FAM135B: variants seen among roughly 807,000 people sequenced by gnomAD.
The protein encoded by FAM135B is protein FAM135B.
FAM135B carries 43 observed loss-of-function variants against 127.7 expected under a neutral mutation model. The ratio of observed to expected loss-of-function variants is 0.34; its 90% CI spans 0.26 to 0.43. The LOEUF is 0.43. FAM135B is among the 20% of genes least tolerant of loss of function. The pLI is 1.00. For synonymous variants in FAM135B, 670 were observed against 665.1 expected (o/e 1.01, Z -0.11); for missense variants, 1,558 against 1,725.6 (o/e 0.90, Z 1.72).
At chr8:138,384,609 A>G (rs192339899) in intron 1 of FAM135B, among the ~76,000 whole-genome samples, 1 of 151,882 alleles carries the variant, frequency 6.6e-6, no homozygotes, top group African/African-American at 2.4e-5. Flanking sequence ...AAGTAACTAC[A>G]GAGAGAGAGA....
rs1233600487 is a variant in FAM135B, at chr8:138,241,230, C to T, written c.669+1712G>A. ...TACAGGGCTCACTGCTTTCCACTCGCTTTCTTACTCATTCACTTCCTATGT... is the reference window on the plus strand; with the variant it reads ...TACAGGGCTCACTGCTTTCCACTCGTTTTCTTACTCATTCACTTCCTATGT... On this transcript the variant is annotated intron_variant, in intron 7 of 19. Coordinates refer to ENST00000395297, the MANE Select transcript of FAM135B (RefSeq NM_015912.4). The surrounding 1 kb of genome is among the most constrained non-coding windows in gnomAD (Gnocchi z 4.8). 1.3e-5 allele frequency among the ~76,000 whole-genome samples: 2 copies of T among 152,200 alleles called. No individual in the cohort carries two copies. Among genetic ancestry groups the T allele is most frequent in the Non-Finnish European group, 2.9e-5 (2 of 68,038 alleles).
intron 7 of FAM135B, among the ~76,000 whole-genome samples, chr8:138,236,235 A>G (rs1820264118): frequency 6.6e-6 from 1 of 152,208 alleles, no homozygotes; most frequent in Non-Finnish European, 1.5e-5. Context: ...TGGAGCTTAG[A>G]GTCTAGAGTC....
intron 2 of FAM135B, among the ~76,000 whole-genome samples, chr8:138,365,645 T>C (rs976556250): frequency 4.6e-5 from 7 of 152,220 alleles, no homozygotes; most frequent in African/African-American, 1.7e-4. Context: ...TCCTGGTATT[T>C]AGTATGCTTC....
intron 9 of FAM135B, among the ~76,000 whole-genome samples, chr8:138,185,124 G>C (rs1311242438): frequency 6.6e-6 from 1 of 152,152 alleles, no homozygotes; most frequent in Non-Finnish European, 1.5e-5. Flanking sequence ...AGAGGTAACA[G>C]TGACCACAGT....
rs1174319434 is a variant in FAM135B, at chr8:138,151,657, T to C, written c.2818A>G (p.Thr940Ala). The change falls in exon 13 of 20, where the codon ACG becomes GCG. Residue 940 changes from threonine (T) to alanine (A), a missense_variant. By Grantham distance (58) the Thr-to-Ala change is moderately conservative. Transcript: ENST00000395297. ...CTGTTGATGGCATCAGCAGCTGACG[T>C]ACAGCTCAATTCAGGCACCTGATGT... Reference protein sequence around the residue: ...SQHQVPELSCTSAADAINRNS... With the variant: ...SQHQVPELSCASAADAINRNS... 1.2e-6 allele frequency: 2 copies of C among 1,614,072 alleles called. No homozygotes were observed. Among genetic ancestry groups the C allele is most frequent in the East Asian group, 2.2e-5 (1 of 44,882 alleles).
At chr8:138,425,985 A>G (rs1423720650) in intron 1 of FAM135B, among the ~76,000 whole-genome samples, 1 of 14,772 alleles carries the variant, frequency 6.8e-5, no homozygotes, top group African/African-American at 6.8e-4. Context: ...ATATATATAT[A>G]TATATATATA....
intron 12 of FAM135B, among the ~76,000 whole-genome samples, chr8:138,158,475 A>C (rs1279340581): frequency 1.3e-5 from 2 of 152,256 alleles, no homozygotes; most frequent in South Asian, 2.1e-4. Flanking sequence ...TCTGCACAGC[A>C]AAAGAAACTA....
At chr8:138,418,998 T>C (rs1027752434) in intron 1 of FAM135B, among the ~76,000 whole-genome samples, 2 of 151,490 alleles carry the variant, frequency 1.3e-5, no homozygotes, top group African/African-American at 4.9e-5. Context: ...AATCCTTACA[T>C]ATGAATATTA....
intron 11 of FAM135B, among the ~76,000 whole-genome samples, chr8:138,169,895 C>T (rs1820277141): frequency 6.6e-6 from 1 of 152,164 alleles, no homozygotes; most frequent in African/African-American, 2.4e-5. Flanking sequence ...TTCTTGAGCA[C>T]AGGGCTTTCG....
At chr8:138,491,616 T>C (rs1359916857) in intron 1 of FAM135B, among the ~76,000 whole-genome samples, 1 of 152,218 alleles carries the variant, frequency 6.6e-6, no homozygotes, top group Non-Finnish European at 1.5e-5. Context: ...CATTCATTCA[T>C]TCATTCATTC....
At chr8:138,186,540 G>A (rs1454842077) in intron 9 of FAM135B, among the ~76,000 whole-genome samples, 2 of 152,118 alleles carry the variant, frequency 1.3e-5, no homozygotes, top group East Asian at 1.9e-4. Context: ...TGGGAAGCGG[G>A]TGTTGTTTCT....
In FAM135B at chr8:138,403,150, G is replaced by A. The variant is rs547409317; in HGVS notation, c.-19-35148C>T. Among the ~76,000 whole-genome samples, 3 of 152,256 alleles carry A rather than the reference G, an allele frequency of 2.0e-5. No individual in the cohort carries two copies. In the East Asian group the frequency reaches 5.8e-4, roughly 29 times the overall value. On this transcript the variant is annotated intron_variant, in intron 1 of 19. Transcript: ENST00000395297. ...TTGTTATAGCATCCTGAACTAAAAT[G>A]AGAAAATATTTATCTCACTTACTCC... is the stretch of plus-strand genomic sequence containing the variant.
At chr8:138,266,130 A>C (rs950380008) in intron 3 of FAM135B, among the ~76,000 whole-genome samples, 1 of 152,072 alleles carries the variant, frequency 6.6e-6, no homozygotes, top group African/African-American at 2.4e-5. Flanking sequence ...TGCCTGCTCA[A>C]CTTCTCACCT....
At chr8:138,426,028 TACACAC>T (rs527267067) in intron 1 of FAM135B, among the ~76,000 whole-genome samples, 8 of 42,968 alleles carry the variant, frequency 1.9e-4, no homozygotes, top group Admixed American at 5.9e-4. Flanking sequence ...CACATACATA[TACACAC>T]ACACACACAC....
chr8:138,399,156 C>T (rs978667542), intron 1 of FAM135B, among the ~76,000 whole-genome samples: 4 of 152,168 alleles, frequency 2.6e-5, no homozygotes, highest in African/African-American at 9.7e-5. Flanking sequence ...CTGGGACAGT[C>T]TCAGTTAATA....
At chr8:138,236,606 T>C (rs547543061) in intron 7 of FAM135B, among the ~76,000 whole-genome samples, 2 of 152,200 alleles carry the variant, frequency 1.3e-5, no homozygotes, top group Non-Finnish European at 2.9e-5. Flanking sequence ...AGCAGTGACA[T>C]ACTTAAACTC....
chr8:138,138,520 A>G (rs1474761036), intron 18 of FAM135B, among the ~76,000 whole-genome samples: 4 of 152,100 alleles, frequency 2.6e-5, no homozygotes, highest in Non-Finnish European at 4.4e-5. Flanking sequence ...GGTCTTCAAC[A>G]CCTCTATGCA....
chr8:138,255,466 A>G (rs1822007600), intron 5 of FAM135B, among the ~76,000 whole-genome samples: 1 of 152,182 alleles, frequency 6.6e-6, no homozygotes, highest in South Asian at 2.1e-4. Context: ...GTGGGAATGC[A>G]GTTCCTGGTG....
At chr8:138,427,784 C>T (rs1015799913) in intron 1 of FAM135B, among the ~76,000 whole-genome samples, 3 of 152,012 alleles carry the variant, frequency 2.0e-5, no homozygotes. Context: ...AACATCATTC[C>T]CTGATCATTT....
Sources: gnomAD v4.1 joint callset for allele counts (sites outside exome capture counted in the v4.1 genomes callset) on GRCh38, gnomAD v4.1.1 for gene constraint, Gnocchi (gnomAD v3.1) non-coding constraint, MANE v1.5 for transcripts, NCBI Gene and HGNC (gene_info 2026-07-23, HGNC 2026-07-21) for gene names.